The following TRIM5 variants were observed in gnomAD, a reference collection of about 807,000 sequenced individuals.
TRIM5 encodes tripartite motif containing 5, also known as tripartite motif-containing protein 5.
In TRIM5, 31 loss-of-function variants were observed where a neutral mutation model predicts 35.6. That is an observed-to-expected ratio of 0.87 (90% CI 0.65 to 1.18). TRIM5 has a LOEUF of 1.18. Ranked by LOEUF, TRIM5 falls within the 50% of genes most tolerant of loss-of-function variation. The probability of loss-of-function intolerance (pLI) is 0.00; values close to 1 mark genes in which losing one functional copy is unlikely to be tolerated. For missense variants in TRIM5, 609 were observed against 591.6 expected, an observed-to-expected ratio of 1.03 and a Z score of -0.31; for synonymous variants, 243 against 215.6, an observed-to-expected ratio of 1.13 and a Z score of -1.11.
At chr11:5,596,560 C>CCTCCCCCCTTCCCCCTTCCT in the TRIM5 span, 2 of 123,650 alleles carry the variant, frequency 1.6e-5, no homozygotes, top group Non-Finnish European at 3.4e-5. Context: ...TCCCCCTTCC[C>CCTCCCCCCTTCCCCCTTCCT]CTCCCCCATC....
intron 1 of TRIM5, among the ~76,000 whole-genome samples, chr11:5,683,453 G>C (rs1237437024): frequency 1.3e-5 from 2 of 151,956 alleles, no homozygotes; most frequent in Non-Finnish European, 2.9e-5. Flanking sequence ...TCTAGCTCAG[G>C]GTTTGTGAAT....
the TRIM5 span, chr11:5,603,147 C>T: frequency 6.6e-7 from 1 of 1,512,696 alleles, no homozygotes; most frequent in East Asian, 2.3e-5. Context: ...CTTGTTACCC[C>T]AGGTGTCTGA....
At chr11:5,662,830 T>C (rs1357557056), downstream of TRIM5, among the ~76,000 whole-genome samples, 1 of 152,080 alleles carries the variant, frequency 6.6e-6, no homozygotes, top group African/African-American at 2.4e-5. Flanking sequence ...AACCAAAAAT[T>C]AATAGACACC....
the TRIM5 span, among the ~76,000 whole-genome samples, chr11:5,647,006 G>A: frequency 1.3e-5 from 2 of 152,220 alleles, no homozygotes; most frequent in East Asian, 1.9e-4. Context: ...TCATTGCTAT[G>A]GATGTGGGTT....
intron 4 of TRIM5, 187 bp downstream of exon 4, chr11:5,678,017 A>G: frequency 1.9e-6 from 1 of 537,958 alleles, no homozygotes; most frequent in Non-Finnish European, 3.2e-6. Flanking sequence ...CTCTGGATAA[A>G]TTAATAAAAA....
chr11:5,664,946 C>T lies in TRIM5; in HGVS notation c.1345G>A (p.Val449Ile). 1 of 1,613,974 alleles carries T rather than the reference C, an allele frequency of 6.2e-7. No homozygotes were observed. The highest frequency in any genetic ancestry group is 1.1e-5 in the South Asian group (1 of 91,068). Reference protein sequence around the residue: ...GVFLDYEACTVSFFNITNHGF... With the variant: ...GVFLDYEACTISFFNITNHGF... ...TGGTTTGTGATATTGAAGAATGAGA[C>T]AGTGCAAGCCTCATAGTCTAGGAAA... The change falls in exon 8 of 8, where the codon GTC becomes ATC. Residue 449 changes from valine to isoleucine, a missense_variant. Coordinates refer to ENST00000380034, the MANE Select transcript of TRIM5 (RefSeq NM_033034.3).
chr11:5,665,709 G>A (rs762784149), intron 6 of TRIM5, 27 bp from the exon 7 acceptor site: 2 of 1,491,954 alleles, frequency 1.3e-6, no homozygotes, highest in African/African-American at 1.4e-5. Context: ...GCACAATATT[G>A]AATACAAACA....
At chr11:5,650,189 T>C in the TRIM5 span, among the ~76,000 whole-genome samples, 15 of 152,142 alleles carry the variant, frequency 9.9e-5, no homozygotes, top group Admixed American at 9.2e-4. Flanking sequence ...GAGGAGAAAA[T>C]GCTGACTTTT....
At position 5,678,392 on chromosome 11, in the gene TRIM5, C is replaced by T; in HGVS notation, c.556G>A (p.Glu186Lys). 6.3e-7 allele frequency: 1 copy of T among 1,595,662 alleles called. No individual in the cohort carries two copies. Among genetic ancestry groups the T allele is most frequent in the Admixed American group, 1.7e-5 (1 of 58,566 alleles). ...CAGTCCAGGATGTCTCTCAGTTGCTCAAAATCTGCCAAGACGTTGGTTTTG... is the reference window on the plus strand; with the variant it reads ...CAGTCCAGGATGTCTCTCAGTTGCTTAAAATCTGCCAAGACGTTGGTTTTG... ...YDKTNVLADFEQLRDILDWEE... is the reference protein window; with the variant it reads ...YDKTNVLADFKQLRDILDWEE... The change falls in exon 4 of 8, where the codon GAG becomes AAG. Residue 186 changes from glutamate to lysine, a missense_variant. By Grantham distance (56) the Glu-to-Lys change is moderately conservative (BLOSUM62 1). Transcript: ENST00000380034.
At position 5,664,542 on chromosome 11, in the gene TRIM5, T is replaced by C. The variant is rs1850980493; in HGVS notation, c.*267A>G. 3.4e-6 allele frequency: 4 copies of C among 1,160,304 alleles called. No homozygotes were observed. In the African/African-American group the frequency reaches 4.8e-5, roughly 14 times the overall value. 71.9% of individuals were successfully genotyped at this position (1,160,304 alleles called of 1,614,324 possible). A position where few individuals can be genotyped will look rare whatever the true frequency, so the allele number is the denominator to read the frequency against. ...ATATCTGGCAGAAGTAATACCTAAA[T>C]AGCGGTCTCATTTTATGAGGTATAG... On this transcript the variant is annotated 3_prime_UTR_variant, in exon 8 of 8. Transcript: ENST00000380034.
chr11:5,635,598 C>G, the TRIM5 span, among the ~76,000 whole-genome samples: 2 of 152,124 alleles, frequency 1.3e-5, no homozygotes, highest in Non-Finnish European at 2.9e-5. Context: ...GAATATTGAG[C>G]CTTTTGGGGA....
the TRIM5 span, chr11:5,604,692 G>C: frequency 6.5e-7 from 1 of 1,539,854 alleles, no homozygotes; most frequent in Non-Finnish European, 8.8e-7. Flanking sequence ...TAGGAGCTGA[G>C]GGCAAAGGAG....
the TRIM5 span, among the ~76,000 whole-genome samples, chr11:5,624,083 A>G: frequency 6.6e-6 from 1 of 152,140 alleles, no homozygotes; most frequent in Non-Finnish European, 1.5e-5. Flanking sequence ...CTCTTGTTCA[A>G]GTTTCCTCCT....
rs1052728766 is a variant in TRIM5 at position 5,664,419 on chromosome 11, C to T, written c.*390G>A. 1 of 1,007,972 alleles carries T rather than the reference C, an allele frequency of 9.9e-7. No homozygotes were observed. Among genetic ancestry groups the T allele is most frequent in the Non-Finnish European group, 1.2e-6 (1 of 843,062 alleles). The allele number at this position is 1,007,972 out of a possible 1,614,324, so 62.4% of individuals were successfully genotyped here. A position where few individuals can be genotyped will look rare whatever the true frequency, so the allele number is the denominator to read the frequency against. On this transcript the variant is annotated 3_prime_UTR_variant, in exon 8 of 8. Transcript: ENST00000380034. ...GTAAACTGACACAGGGCTAAGGACT[C>T]ATTCATTGGTGAACAATTATCACAC...
At chr11:5,647,870 G>A in the TRIM5 span, among the ~76,000 whole-genome samples, 1 of 152,094 alleles carries the variant, frequency 6.6e-6, no homozygotes, top group African/African-American at 2.4e-5. Context: ...TAATGCAATG[G>A]TGATGTCACG....
At chr11:5,609,487 T>C in the TRIM5 span, among the ~76,000 whole-genome samples, 2 of 152,216 alleles carry the variant, frequency 1.3e-5, no homozygotes, top group African/African-American at 2.4e-5. Context: ...TGATTTTAAA[T>C]ATTTTATATC....
At chr11:5,611,272 C>T in the TRIM5 span, 6 of 1,614,112 alleles carry the variant, frequency 3.7e-6, no homozygotes, top group Non-Finnish European at 4.2e-6. Context: ...TACTTTCCCA[C>T]TACTCTTTGT....
At chr11:5,679,284 T>A (rs2134114522) in intron 2 of TRIM5, 115 bp from the exon 3 acceptor site, 1 of 862,274 alleles carries the variant, frequency 1.2e-6, no homozygotes, top group Non-Finnish European at 1.8e-6. Flanking sequence ...GCAGAAACTG[T>A]GAGAATGGCA....
chr11:5,678,494 G>C, intron 3 of TRIM5, 60 bp from the exon 4 acceptor site: 1 of 1,375,002 alleles, frequency 7.3e-7, no homozygotes, highest in Non-Finnish European at 9.8e-7. Flanking sequence ...CTGTTAGCCA[G>C]AAAAGGAGCT....
Sources: allele counts gnomAD v4.1 joint callset (sites outside exome capture counted in the v4.1 genomes callset), GRCh38; gene constraint gnomAD v4.1.1; transcripts MANE v1.5; gene names NCBI Gene and HGNC (gene_info 2026-07-23, HGNC 2026-07-21).